Variants in SGCD observed in about 807,000 individuals in gnomAD.
SGCD encodes the protein sarcoglycan delta, also known as delta-sarcoglycan.
SGCD carries 18 observed loss-of-function variants against 36.6 expected under a neutral mutation model. That is an observed-to-expected ratio of 0.49 (90% confidence interval 0.34 to 0.73). The LOEUF is 0.73. Among genes scored for constraint, SGCD ranks in the 30% least tolerant of loss-of-function variants. The pLI is 0.01. For missense variants in SGCD, 387 were observed against 346.7 expected, an observed-to-expected ratio of 1.12 and a Z score of -0.92; for synonymous variants, 133 against 130.6, an observed-to-expected ratio of 1.02 and a Z score of -0.12.
rs528232281 is a variant in SGCD, at chr5:156,447,339, T to C, written c.193-61262T>C. Among the ~76,000 whole-genome samples the C allele has an allele frequency of 8.5e-5, 13 of 152,244 alleles. No individual in the cohort carries two copies. In the South Asian group the frequency reaches 2.5e-3, roughly 29 times the overall value. On this transcript the variant is annotated intron_variant, in intron 3 of 8. Transcript: ENST00000337851. Reference sequence around the variant, plus strand: ...TTCTGTAGCATTCAATCTAATACAATATAACACACAAATGAGTGCTTATTT... The same window carrying C: ...TTCTGTAGCATTCAATCTAATACAACATAACACACAAATGAGTGCTTATTT...
chr5:156,019,910 C>T (rs4704923), intron 1 of SGCD, among the ~76,000 whole-genome samples: 9,012 of 152,286 alleles, frequency 0.059, 940 homozygotes, highest in African/African-American at 0.2. Flanking sequence ...TAACTCATGT[C>T]TCCAATCTCA....
intron 3 of SGCD, among the ~76,000 whole-genome samples, chr5:156,368,984 C>A (rs2127738165): frequency 6.6e-6 from 1 of 152,314 alleles, no homozygotes; most frequent in South Asian, 2.1e-4. Context: ...TCCCTCGTAT[C>A]AAAAAGGTTG....
At chr5:156,655,335 G>A (rs910075382) in intron 7 of SGCD, among the ~76,000 whole-genome samples, 8 of 151,610 alleles carry the variant, frequency 5.3e-5, no homozygotes, top group Non-Finnish European at 8.8e-5. Flanking sequence ...TTTTGTTGTT[G>A]TTTGCTTGTT....
At chr5:156,403,173 C>T (rs1461694345) in intron 3 of SGCD, among the ~76,000 whole-genome samples, 1 of 152,132 alleles carries the variant, frequency 6.6e-6, no homozygotes, top group Non-Finnish European at 1.5e-5. Flanking sequence ...TCCATCCATC[C>T]TCCCCAGTGA....
chr5:156,283,695 A>G (rs972390433), intron 3 of SGCD, among the ~76,000 whole-genome samples: 8 of 152,310 alleles, frequency 5.3e-5, no homozygotes, highest in Non-Finnish European at 1.2e-4. Flanking sequence ...CACCTGCAAG[A>G]CTTGCTAAAA....
chr5:156,368,740 G>A (rs372759805), intron 3 of SGCD, among the ~76,000 whole-genome samples: 5 of 152,302 alleles, frequency 3.3e-5, no homozygotes, highest in South Asian at 2.1e-4. Context: ...GAGGGATCTA[G>A]GTTGTGCACT....
intron 3 of SGCD, among the ~76,000 whole-genome samples, chr5:156,320,306 T>C (rs1767624597): frequency 6.6e-6 from 1 of 152,224 alleles, no homozygotes; most frequent in Non-Finnish European, 1.5e-5. Context: ...GCTATGCATT[T>C]TTTAAGCACA....
intron 3 of SGCD, among the ~76,000 whole-genome samples, chr5:156,148,147 G>A (rs1422106105): frequency 6.6e-6 from 1 of 152,112 alleles, no homozygotes; most frequent in African/African-American, 2.4e-5. Context: ...GATGAGAAAA[G>A]AAAGACAAAT....
chr5:155,944,438 G>A (rs187341883), intron 1 of SGCD, among the ~76,000 whole-genome samples: 1 of 152,154 alleles, frequency 6.6e-6, no homozygotes, highest in East Asian at 1.9e-4. Flanking sequence ...TACTCAAATT[G>A]CACTGTTCTC....
At chr5:156,514,378 C>T (rs1330264011) in intron 4 of SGCD, among the ~76,000 whole-genome samples, 2 of 152,186 alleles carry the variant, frequency 1.3e-5, no homozygotes, top group Non-Finnish European at 2.9e-5. Flanking sequence ...ATGAATTTAT[C>T]TTCATGTTCA....
At chr5:155,789,084 A>G in the SGCD span, among the ~76,000 whole-genome samples, 1 of 152,176 alleles carries the variant, frequency 6.6e-6, no homozygotes, top group Non-Finnish European at 1.5e-5. Flanking sequence ...GTTACTGTTG[A>G]TAATTCAGGT....
intron 4 of SGCD, among the ~76,000 whole-genome samples, chr5:156,565,236 T>C (rs1759429461): frequency 6.6e-6 from 1 of 152,248 alleles, no homozygotes; most frequent in African/African-American, 2.4e-5. Context: ...ATTTAGGTTT[T>C]ATGAAATGTT....
chr5:155,785,074 A>G, the SGCD span, among the ~76,000 whole-genome samples: 1 of 152,060 alleles, frequency 6.6e-6, no homozygotes, highest in Non-Finnish European at 1.5e-5. Flanking sequence ...AGTCTGCATA[A>G]GAGATATGTG....
intron 4 of SGCD, among the ~76,000 whole-genome samples, chr5:156,524,094 CTATATATATATATATATATATATA>C (rs60414987): frequency 0.3 from 12,186 of 40,586 alleles, 1,749 homozygotes; most frequent in Non-Finnish European, 0.37. Context: ...TGAGGTCTTA[CTATATATATATATATATATATATA>C]TATATATATA....
upstream of SGCD, among the ~76,000 whole-genome samples, chr5:156,322,029 C>G (rs1767685883): frequency 6.6e-6 from 1 of 152,158 alleles, no homozygotes; most frequent in African/African-American, 2.4e-5. Flanking sequence ...TATGACCTTA[C>G]TGTGTTACAT....
intron 3 of SGCD, among the ~76,000 whole-genome samples, chr5:156,249,283 G>A (rs558320850): frequency 3.9e-5 from 6 of 152,236 alleles, no homozygotes; most frequent in East Asian, 1.9e-4. Context: ...GAGAATGAAC[G>A]GCAGAGTGAG....
chr5:156,677,043 T>A (rs1006138411), intron 7 of SGCD, among the ~76,000 whole-genome samples: 1 of 152,186 alleles, frequency 6.6e-6, no homozygotes, highest in African/African-American at 2.4e-5. Context: ...AAACTTCTCA[T>A]TAGGAGAACC....
Position 156,190,158 on chromosome 5 carries a change from G to A in SGCD, c.-44+66139G>A, listed in dbSNP as rs534896586. Among the ~76,000 whole-genome samples, 8 of 152,216 alleles carry A rather than the reference G, an allele frequency of 5.3e-5. No homozygotes were observed. The South Asian group carries it at 1.5e-3, about 28-fold the overall frequency. Reference sequence around the variant, plus strand: ...CTATCTAAATGGTCACATGGATCTGGGAAGTTTTTTCTTATAATGTAAATC... The same window carrying A: ...CTATCTAAATGGTCACATGGATCTGAGAAGTTTTTTCTTATAATGTAAATC... On this transcript the variant is annotated intron_variant, in intron 3 of 9. Transcript: ENST00000517913.
chr5:156,133,914 A>AACACACACACAC (rs70981997), intron 3 of SGCD, among the ~76,000 whole-genome samples: 54 of 140,414 alleles, frequency 3.8e-4, no homozygotes, highest in African/African-American at 1.1e-3. Context: ...GCCGGGTTAA[A>AACACACACACAC]ACACACACAC....
Sources: allele counts gnomAD v4.1 joint callset (sites outside exome capture counted in the v4.1 genomes callset), GRCh38; gene constraint gnomAD v4.1.1; transcripts MANE v1.5; gene names NCBI Gene and HGNC (gene_info 2026-07-23, HGNC 2026-07-21).